Variants in ZNF484 observed in about 807,000 individuals in gnomAD.
ZNF484 encodes the protein zinc finger protein 484.
Under a neutral mutation model 12.9 loss-of-function variants are expected in ZNF484, and 11 were observed. The observed-to-expected ratio is 0.85, with a 90% CI of 0.54 to 1.41. The LOEUF (loss-of-function observed/expected upper bound fraction) is 1.41, where lower values mean the gene tolerates loss of function less well. Among genes scored for constraint, ZNF484 ranks in the 40% most tolerant of loss-of-function variants. ZNF484 has a pLI of 0.00. For synonymous variants in ZNF484, 289 were observed against 334.1 expected, an observed-to-expected ratio of 0.86 and a Z score of 1.47; for missense variants, 807 against 1,007.7, an observed-to-expected ratio of 0.80 and a Z score of 2.70.
chr9:92,863,829 A>G (rs1410267865), intron 2 of ZNF484, among the ~76,000 whole-genome samples: 1 of 152,190 alleles, frequency 6.6e-6, no homozygotes, highest in Non-Finnish European at 1.5e-5. Flanking sequence ...AGTGGAGATA[A>G]AGATTTGGGA....
At chr9:92,858,208 A>C (rs1218681446) in intron 2 of ZNF484, among the ~76,000 whole-genome samples, 1 of 152,246 alleles carries the variant, frequency 6.6e-6, no homozygotes, top group Non-Finnish European at 1.5e-5. Context: ...ATAATAAAGA[A>C]TCAAATGAAA....
At chr9:92,877,452 T>C in intron 1 of ZNF484, among the ~76,000 whole-genome samples, 1 of 152,000 alleles carries the variant, frequency 6.6e-6, no homozygotes, top group South Asian at 2.1e-4. Context: ...AAAATGGAAA[T>C]GGAAACATGC....
Position 92,847,141 on chromosome 9 carries a change from T to C in ZNF484, c.1646A>G (p.Glu549Gly). 6.2e-7 allele frequency: 1 copy of C among 1,614,126 alleles called. No individual in the cohort carries two copies. The highest frequency in any genetic ancestry group is 2.2e-5 in the East Asian group (1 of 44,874). The change falls in exon 5 of 5, where the codon GAG becomes GGG. Residue 549 changes from glutamate to glycine, a missense_variant. Coordinates refer to ENST00000375495, the MANE Select transcript of ZNF484 (RefSeq NM_031486.4). Reference protein sequence around the residue: ...LRIHQKCHTGERHYECSECGK... With the variant: ...LRIHQKCHTGGRHYECSECGK... ...ACATTCACTGCATTCATAATGTCTC[T>C]CTCCAGTATGACACTTCTGATGTAT...
At chr9:92,863,028 AG>A (rs1259594578) in intron 2 of ZNF484, among the ~76,000 whole-genome samples, 1 of 152,202 alleles carries the variant, frequency 6.6e-6, no homozygotes, top group Non-Finnish European at 1.5e-5. Context: ...AATGCCCATC[AG>A]TGATAGACTG....
chr9:92,850,475 C>T (rs985191146), intron 4 of ZNF484, among the ~76,000 whole-genome samples: 4 of 152,196 alleles, frequency 2.6e-5, no homozygotes, highest in African/African-American at 9.6e-5. Context: ...ATATCTTAGT[C>T]ATCCTAACTT....
intron 4 of ZNF484, among the ~76,000 whole-genome samples, chr9:92,850,529 CCT>C (rs1483247508): frequency 6.6e-6 from 1 of 151,986 alleles, no homozygotes. Context: ...ATTTATATAG[CCT>C]CTCTCATTTA....
intron 2 of ZNF484, among the ~76,000 whole-genome samples, chr9:92,862,639 G>A (rs1376549713): frequency 6.6e-6 from 1 of 152,130 alleles, no homozygotes; most frequent in Non-Finnish European, 1.5e-5. Flanking sequence ...TGTTTATGAG[G>A]AAATTTCAGT....
rs1415840411 is a variant in ZNF484 at position 92,844,795 on chromosome 9, G to GTATTT, written c.*1432_*1433insAAATA. Among the ~76,000 whole-genome samples the GTATTT allele has an allele frequency of 1.2e-3, 189 of 152,164 alleles. No homozygotes were observed. Among genetic ancestry groups the GTATTT allele is most frequent in the African/African-American group, 4.4e-3 (181 of 41,504 alleles). ...CTCACAGTAAAAGAAATACTAAAGGGTGTTCCTCAGTAAGAAGCAAAATAA... is the reference window on the plus strand; with the variant it reads ...CTCACAGTAAAAGAAATACTAAAGGGTATTTTGTTCCTCAGTAAGAAGCAAAATAA... On this transcript the variant is annotated 3_prime_UTR_variant, in exon 5 of 5. Transcript: ENST00000375495.
At position 92,864,383 on chromosome 9, in the gene ZNF484, G is replaced by A. The variant is rs146068278; in HGVS notation, c.16-8065C>T. Reference sequence around the variant, plus strand: ...AGTTAATGCAACCCCAGCAAATCTCGGGAACTATCAAGTGACGTGAGGTTG... The same window carrying A: ...AGTTAATGCAACCCCAGCAAATCTCAGGAACTATCAAGTGACGTGAGGTTG... On this transcript the variant is annotated intron_variant, in intron 2 of 4. Coordinates refer to ENST00000375495, the MANE Select transcript of ZNF484 (RefSeq NM_031486.4). 2.0e-5 allele frequency among the ~76,000 whole-genome samples: 3 copies of A among 152,070 alleles called. No individual in the cohort carries two copies. In the East Asian group the frequency reaches 5.8e-4, roughly 29 times the overall value.
intron 2 of ZNF484, among the ~76,000 whole-genome samples, chr9:92,864,966 A>G (rs1856981408): frequency 6.6e-6 from 1 of 152,222 alleles, no homozygotes; most frequent in Non-Finnish European, 1.5e-5. Flanking sequence ...AGGATTATAC[A>G]GAAGATCTGA....
At chr9:92,857,699 G>A (rs929310224) in intron 2 of ZNF484, among the ~76,000 whole-genome samples, 1 of 152,172 alleles carries the variant, frequency 6.6e-6, no homozygotes, top group Non-Finnish European at 1.5e-5. Flanking sequence ...CTGGATGTAC[G>A]TGTTCTCCCT....
At chr9:92,873,199 A>G (rs906226018) in intron 2 of ZNF484, among the ~76,000 whole-genome samples, 10 of 152,178 alleles carry the variant, frequency 6.6e-5, no homozygotes, top group African/African-American at 2.4e-4. Context: ...GTGAGCACAT[A>G]GTGAGAATCT....
chr9:92,875,072 A>G lies in ZNF484; in HGVS notation c.-30-13T>C. On this transcript the variant is annotated splice_polypyrimidine_tract_variant and intron_variant, in intron 1 of 4. Transcript: ENST00000375495. ...AAGGGGCAGAAATCTGAGAAAACAG[A>G]TGGGTAGAGGTACCCATGAGAGAAG... 6.2e-7 allele frequency: 1 copy of G among 1,613,808 alleles called. No homozygotes were observed. The highest frequency in any genetic ancestry group is 8.5e-7 in the Non-Finnish European group (1 of 1,179,844).
At chr9:92,874,967 A>G (rs1416471261) in intron 2 of ZNF484, 48 bp downstream of exon 2, 2 of 1,593,952 alleles carry the variant, frequency 1.3e-6, no homozygotes, top group Non-Finnish European at 1.7e-6. Flanking sequence ...AAATCCACTA[A>G]AAGTAAAAGA....
At chr9:92,870,398 A>G (rs1425806495) in intron 2 of ZNF484, among the ~76,000 whole-genome samples, 1 of 152,234 alleles carries the variant, frequency 6.6e-6, no homozygotes, top group Non-Finnish European at 1.5e-5. Context: ...CAGATTATAA[A>G]ACAACAAAAA....
intron 4 of ZNF484, among the ~76,000 whole-genome samples, chr9:92,852,265 T>C (rs1016071777): frequency 1.3e-5 from 2 of 152,156 alleles, no homozygotes; most frequent in African/African-American, 4.8e-5. Flanking sequence ...ACAAAATATG[T>C]GTATTATTTG....
At chr9:92,870,527 A>G (rs907518175) in intron 2 of ZNF484, among the ~76,000 whole-genome samples, 2 of 152,240 alleles carry the variant, frequency 1.3e-5, no homozygotes, top group East Asian at 1.9e-4. Flanking sequence ...AGAAAAGCCA[A>G]CTGGGGAGCT....
At chr9:92,877,623 C>G (rs2118337037) in intron 1 of ZNF484, among the ~76,000 whole-genome samples, 1 of 152,188 alleles carries the variant, frequency 6.6e-6, no homozygotes, top group Non-Finnish European at 1.5e-5. Context: ...CATAGTCATC[C>G]TCCCCCACAA....
At chr9:92,874,184 AAATTCTC>A (rs1404647625) in intron 2 of ZNF484, among the ~76,000 whole-genome samples, 1 of 152,228 alleles carries the variant, frequency 6.6e-6, no homozygotes, top group Non-Finnish European at 1.5e-5. Context: ...TGAGAAATAA[AAATTCTC>A]ATATCCCATC....
Sources: gnomAD v4.1 joint callset for allele counts (sites outside exome capture counted in the v4.1 genomes callset) on GRCh38, gnomAD v4.1.1 for gene constraint, MANE v1.5 for transcripts, NCBI Gene and HGNC (gene_info 2026-07-23, HGNC 2026-07-21) for gene names.